KHDRBS2: variants seen among roughly 807,000 people sequenced by gnomAD.
The protein encoded by KHDRBS2 is KH RNA binding domain containing, signal transduction associated 2, also known as KH domain-containing, RNA-binding, signal transduction-associated protein 2.
A neutral mutation model predicts 44.3 loss-of-function variants in KHDRBS2; 26 were observed. The observed-to-expected ratio is 0.59, with a 90% CI of 0.43 to 0.81. The LOEUF (loss-of-function observed/expected upper bound fraction) is 0.81. KHDRBS2 is among the 40% of genes least tolerant of loss of function. The pLI, the probability that KHDRBS2 is intolerant of heterozygous loss-of-function variation, is 0.00. For missense variants in KHDRBS2, 476 were observed against 433.1 expected (o/e 1.10, Z -0.88); for synonymous variants, 194 against 151.1 (o/e 1.28, Z -2.08).
At chr6:61,628,210 C>CTTTTT in the KHDRBS2 span, among the ~76,000 whole-genome samples, 11 of 82,324 alleles carry the variant, frequency 1.3e-4, 1 homozygote, top group East Asian at 4.8e-4. Flanking sequence ...CATGTGTAGC[C>CTTTTT]TTTTTTTTTT....
intron 4 of KHDRBS2, among the ~76,000 whole-genome samples, chr6:61,928,460 A>G (rs1809387998): frequency 6.6e-6 from 1 of 152,138 alleles, no homozygotes. Context: ...TTATGAGTCT[A>G]TTATTTGTAT....
intron 6 of KHDRBS2, among the ~76,000 whole-genome samples, chr6:61,814,693 G>C (rs1275255280): frequency 6.6e-6 from 1 of 152,126 alleles, no homozygotes; most frequent in Non-Finnish European, 1.5e-5. Context: ...GGGTTTGTTT[G>C]GGTTCAAATG....
At chr6:62,262,963 C>T (rs977936042) in intron 1 of KHDRBS2, among the ~76,000 whole-genome samples, 10 of 151,704 alleles carry the variant, frequency 6.6e-5, no homozygotes, top group African/African-American at 2.4e-4. Context: ...CTGTGTCATA[C>T]TGACATTCAA....
At chr6:61,627,619 G>C in the KHDRBS2 span, among the ~76,000 whole-genome samples, 1 of 152,124 alleles carries the variant, frequency 6.6e-6, no homozygotes, top group Non-Finnish European at 1.5e-5. Flanking sequence ...ATATAATGAA[G>C]CCCCAATAAA....
intron 1 of KHDRBS2, among the ~76,000 whole-genome samples, chr6:62,213,519 T>A (rs899161255): frequency 4.6e-5 from 7 of 152,116 alleles, no homozygotes; most frequent in Admixed American, 1.3e-4. Flanking sequence ...TTGGAAGGGC[T>A]AACCTTGATA....
chr6:61,567,983 A>C, the KHDRBS2 span, among the ~76,000 whole-genome samples: 1 of 152,108 alleles, frequency 6.6e-6, no homozygotes, highest in Non-Finnish European at 1.5e-5. Context: ...TCTTAAATAT[A>C]AGTCTTTAAT....
At chr6:61,948,908 T>A (rs1296909123) in intron 4 of KHDRBS2, among the ~76,000 whole-genome samples, 16 of 151,934 alleles carry the variant, frequency 1.1e-4, no homozygotes, top group Admixed American at 3.3e-4. Context: ...TGCCCCACTT[T>A]TCAGATTTCC....
intron 3 of KHDRBS2, among the ~76,000 whole-genome samples, chr6:62,028,165 T>C (rs1783714569): frequency 6.6e-6 from 1 of 152,092 alleles, no homozygotes. Context: ...CAGCTGGTAC[T>C]GGGAAAAAAC....
At chr6:62,109,469 G>GA (rs1034033514) in intron 2 of KHDRBS2, among the ~76,000 whole-genome samples, 6 of 151,254 alleles carry the variant, frequency 4.0e-5, no homozygotes, top group Non-Finnish European at 5.9e-5. Flanking sequence ...AATCAGGCAA[G>GA]AAAAAGAAAA....
At chr6:61,592,531 G>A in the KHDRBS2 span, among the ~76,000 whole-genome samples, 2 of 152,186 alleles carry the variant, frequency 1.3e-5, no homozygotes, top group Admixed American at 6.5e-5. Flanking sequence ...AGAGAAACTT[G>A]GTAGTTTATT....
At chr6:61,886,636 AG>A (rs2127323566) in intron 6 of KHDRBS2, among the ~76,000 whole-genome samples, 1 of 152,304 alleles carries the variant, frequency 6.6e-6, no homozygotes, top group African/African-American at 2.4e-5. Flanking sequence ...TTCAATTCAA[AG>A]CACTTTACTT....
intron 1 of KHDRBS2, among the ~76,000 whole-genome samples, chr6:62,257,284 T>C (rs771936811): frequency 5.9e-5 from 9 of 152,072 alleles, no homozygotes; most frequent in Non-Finnish European, 1.2e-4. Context: ...TATTAGTGGG[T>C]TGTTAAATGG....
intron 2 of KHDRBS2, among the ~76,000 whole-genome samples, chr6:62,096,909 C>A (rs1382529893): frequency 6.6e-6 from 1 of 151,686 alleles, no homozygotes; most frequent in Non-Finnish European, 1.5e-5. Flanking sequence ...TTTGGGAGTA[C>A]TATAGATTTG....
the KHDRBS2 span, among the ~76,000 whole-genome samples, chr6:61,647,422 A>C: frequency 2.0e-5 from 3 of 151,756 alleles, no homozygotes; most frequent in Non-Finnish European, 4.4e-5. Flanking sequence ...ATGTGTAATT[A>C]TCTATAATTA....
At chr6:61,566,016 T>C in the KHDRBS2 span, among the ~76,000 whole-genome samples, 1 of 151,826 alleles carries the variant, frequency 6.6e-6, no homozygotes, top group Non-Finnish European at 1.5e-5. Flanking sequence ...TGTGTGTGTG[T>C]GTGTGTGTGT....
chr6:61,861,270 T>C (rs189910208), intron 6 of KHDRBS2, among the ~76,000 whole-genome samples: 2 of 152,136 alleles, frequency 1.3e-5, no homozygotes, highest in Non-Finnish European at 2.9e-5. Flanking sequence ...TTTGGTGTCT[T>C]TGTTATGAAA....
chr6:61,902,777 C>T (rs9354303), intron 4 of KHDRBS2, among the ~76,000 whole-genome samples: 59,297 of 151,622 alleles, frequency 0.39, 11,814 homozygotes, highest in Admixed American at 0.48. Flanking sequence ...ACGATGTCAA[C>T]GTAGCTCTGC....
intron 3 of KHDRBS2, among the ~76,000 whole-genome samples, chr6:62,020,862 G>A (rs9345947): frequency 0.62 from 93,822 of 151,846 alleles, 29,178 homozygotes; most frequent in African/African-American, 0.63. Context: ...AACTTGATCC[G>A]GCTATCCCAT....
intron 1 of KHDRBS2, among the ~76,000 whole-genome samples, chr6:62,236,969 A>G (rs145302482): frequency 6.6e-6 from 1 of 152,330 alleles, no homozygotes; most frequent in Non-Finnish European, 1.5e-5. Context: ...AGATTATTTG[A>G]TGACTCAGGA....
Sources: gnomAD v4.1 joint callset for allele counts (sites outside exome capture counted in the v4.1 genomes callset) on GRCh38, gnomAD v4.1.1 for gene constraint, MANE v1.5 for transcripts, NCBI Gene and HGNC (gene_info 2026-07-23, HGNC 2026-07-21) for gene names.